TADA2A: variants seen among roughly 807,000 people sequenced by gnomAD.
The protein encoded by TADA2A is transcriptional adaptor 2A.
Under a neutral mutation model 67.4 loss-of-function variants are expected in TADA2A, and 38 were observed. The ratio of observed to expected loss-of-function variants is 0.56; its 90% CI spans 0.44 to 0.74. The LOEUF is 0.74. TADA2A is among the 30% of genes least tolerant of loss of function. The pLI is 0.00. For missense variants in TADA2A, 454 were observed against 547.0 expected (o/e 0.83, Z 1.70); for synonymous variants, 192 against 181.6 (o/e 1.06, Z -0.46).
At chr17:37,408,346 G>C (rs756031433) in intron 1 of TADA2A, 1 of 151,704 alleles carries the variant, frequency 6.6e-6, no homozygotes, top group Non-Finnish European at 1.5e-5. Flanking sequence ...TCCACCTCCC[G>C]GGTTCAAGCA....
chr17:37,455,197 A>G (rs371288321), intron 8 of TADA2A, among the ~76,000 whole-genome samples: 2 of 152,086 alleles, frequency 1.3e-5, no homozygotes, highest in African/African-American at 2.4e-5. Flanking sequence ...TTCAGGATCC[A>G]TAAGTGAGAA....
intron 2 of TADA2A, among the ~76,000 whole-genome samples, chr17:37,416,808 T>G (rs530774786): frequency 1.3e-5 from 2 of 151,288 alleles, no homozygotes; most frequent in Non-Finnish European, 2.9e-5. Context: ...GAAGTTGCAG[T>G]GAGCCAAGAT....
intron 2 of TADA2A, among the ~76,000 whole-genome samples, chr17:37,414,010 TG>T (rs2051961480): frequency 6.6e-6 from 1 of 152,124 alleles, no homozygotes; most frequent in Non-Finnish European, 1.5e-5. Flanking sequence ...CATGTGTTCT[TG>T]TTTTTTTAGC....
chr17:37,433,934 A>G (rs2052647079), intron 4 of TADA2A, among the ~76,000 whole-genome samples: 1 of 151,780 alleles, frequency 6.6e-6, no homozygotes, highest in Non-Finnish European at 1.5e-5. Flanking sequence ...AGCCTGGGCT[A>G]TGGAGCAAGA....
At chr17:37,456,684 G>A (rs987668501) in intron 8 of TADA2A, among the ~76,000 whole-genome samples, 8 of 152,174 alleles carry the variant, frequency 5.3e-5, no homozygotes, top group African/African-American at 1.9e-4. Context: ...GGGCATGTGA[G>A]TAAATTATAT....
intron 4 of TADA2A, among the ~76,000 whole-genome samples, chr17:37,434,396 C>T (rs1481574460): frequency 1.3e-5 from 2 of 152,172 alleles, no homozygotes; most frequent in Admixed American, 6.5e-5. Context: ...CTTTCCTGTC[C>T]TCTCTGGGTA....
At chr17:37,440,429 G>GA in intron 5 of TADA2A, 76 bp from the exon 6 acceptor site, 2 of 1,521,702 alleles carry the variant, frequency 1.3e-6, no homozygotes, top group Non-Finnish European at 1.8e-6. Context: ...CTTAAAATAT[G>GA]AAAAGAGCAA....
intron 9 of TADA2A, 33 bp from the exon 10 acceptor site, chr17:37,462,045 T>TA: frequency 6.7e-7 from 1 of 1,493,716 alleles, no homozygotes; most frequent in Non-Finnish European, 9.2e-7. Flanking sequence ...AAAATAATTC[T>TA]AATGCACAAA....
intron 6 of TADA2A, among the ~76,000 whole-genome samples, chr17:37,441,057 T>G (rs537159184): frequency 2.7e-5 from 4 of 149,150 alleles, no homozygotes; most frequent in Admixed American, 1.3e-4. Context: ...ATCACATCAC[T>G]GCACTCCAAC....
Position 37,417,705 on chromosome 17 carries a change from TTGTATTTTTA to T in TADA2A, c.26-5802_26-5793del, listed in dbSNP as rs1430798691. On this transcript the variant is annotated intron_variant, in intron 2 of 15. Coordinates refer to ENST00000615182, the MANE Select transcript of TADA2A (RefSeq NM_001166105.3). ...GTGCGTCACCAGGCCCAGACAATTT[TTGTATTTTTA>T]TTGGAGGTGGGGTTTCGCCATCTTG... 2.0e-5 allele frequency among the ~76,000 whole-genome samples: 3 copies of T among 151,956 alleles called. No individual in the cohort carries two copies. In the East Asian group the frequency reaches 5.9e-4, roughly 30 times the overall value.
chr17:37,475,560 C>T (rs548173392), intron 15 of TADA2A, among the ~76,000 whole-genome samples: 89 of 151,108 alleles, frequency 5.9e-4, no homozygotes, highest in Non-Finnish European at 1.0e-3. Flanking sequence ...GCAACCTCTG[C>T]CTCCCGGGTT....
intron 2 of TADA2A, 85 bp downstream of exon 2, chr17:37,411,475 T>A: frequency 7.7e-7 from 1 of 1,304,290 alleles, no homozygotes; most frequent in Non-Finnish European, 1.1e-6. Context: ...CAGGCTGGGG[T>A]ACAGTGGCAT....
chr17:37,436,339 ATTC>A (rs2052725156), intron 4 of TADA2A: 1 of 152,038 alleles, frequency 6.6e-6, no homozygotes, highest in Non-Finnish European at 1.5e-5. Flanking sequence ...TTTGCATTTT[ATTC>A]TTAAGATTTT....
At chr17:37,426,734 C>A in intron 3 of TADA2A, 2 of 346,544 alleles carry the variant, frequency 5.8e-6, no homozygotes, top group Non-Finnish European at 1.0e-5. Context: ...AATCTTAGCA[C>A]TTTGGGAGAC....
chr17:37,424,992 G>A (rs864356), intron 3 of TADA2A, among the ~76,000 whole-genome samples: 73,214 of 152,010 alleles, frequency 0.48, 18,420 homozygotes, highest in East Asian at 0.79. Flanking sequence ...GGATTCTCCT[G>A]CTTCAACCTC....
chr17:37,434,107 T>A (rs1460547258), intron 4 of TADA2A, among the ~76,000 whole-genome samples: 1 of 152,276 alleles, frequency 6.6e-6, no homozygotes, highest in Non-Finnish European at 1.5e-5. Flanking sequence ...CATAATGTTT[T>A]CTCCAATCTA....
At chr17:37,417,252 C>T (rs938140612) in intron 2 of TADA2A, among the ~76,000 whole-genome samples, 9 of 150,620 alleles carry the variant, frequency 6.0e-5, no homozygotes, top group Admixed American at 1.3e-4. Context: ...TGTTGGTGGG[C>T]GTAATTCCAG....
At chr17:37,424,161 A>G (rs1169229652) in intron 3 of TADA2A, among the ~76,000 whole-genome samples, 4 of 152,102 alleles carry the variant, frequency 2.6e-5, no homozygotes, top group Non-Finnish European at 5.9e-5. Flanking sequence ...GGCCGGGCAC[A>G]GTGGCTCATG....
rs114529093 is a variant in TADA2A at position 37,433,386 on chromosome 17, G to A, written c.193-4352G>A. 6.8e-3 allele frequency among the ~76,000 whole-genome samples: 1,037 copies of A among 152,206 alleles called. 14 individuals are homozygous for A. Among genetic ancestry groups the A allele is most frequent in the African/African-American group, 0.023 (974 of 41,530 alleles). ...TGAGAAATGAACATTGGCCGGGTGC[G>A]GTGGCTCCTTCCTGTAATCCCAGCA... On this transcript the variant is annotated intron_variant, in intron 4 of 15. Coordinates refer to ENST00000615182, the MANE Select transcript of TADA2A (RefSeq NM_001166105.3).
Sources: allele counts gnomAD v4.1 joint callset (sites outside exome capture counted in the v4.1 genomes callset), GRCh38; gene constraint gnomAD v4.1.1; transcripts MANE v1.5; gene names NCBI Gene and HGNC (gene_info 2026-07-23, HGNC 2026-07-21).